Variants in MTFR1 observed in about 807,000 individuals in gnomAD.
The protein encoded by MTFR1 is chondrocyte protein with a poly-proline region.
MTFR1 carries 28 observed loss-of-function variants against 38.8 expected under a neutral mutation model. The observed-to-expected ratio is 0.72, with a 90% CI of 0.53 to 0.99. The LOEUF is 0.99. MTFR1 is among the 50% of genes least tolerant of loss of function. MTFR1 has a pLI of 0.00. For synonymous variants in MTFR1, 145 were observed against 137.0 expected (o/e 1.06, Z -0.41); for missense variants, 358 against 395.5 (o/e 0.91, Z 0.81).
intron 3 of MTFR1, among the ~76,000 whole-genome samples, chr8:65,762,991 ATGTGTGTGTGTGTGTGTGTGTGTG>A (rs34371328): frequency 6.5e-5 from 9 of 138,514 alleles, no homozygotes; most frequent in Non-Finnish European, 9.4e-5. Context: ...TATAAAAACA[ATGTGTGTGTGTGTGTGTGTGTGTG>A]TGTGTGTGTG....
chr8:65,647,253 CAG>C (rs1025339264), intron 1 of MTFR1, among the ~76,000 whole-genome samples: 3 of 152,128 alleles, frequency 2.0e-5, no homozygotes, highest in Non-Finnish European at 4.4e-5. Context: ...AAGGACCAGA[CAG>C]AGAATACAGC....
downstream of MTFR1, among the ~76,000 whole-genome samples, chr8:65,713,858 A>AT (rs201732109): frequency 9.5e-3 from 1,423 of 150,186 alleles, 52 homozygotes; most frequent in East Asian, 0.078. Context: ...TAATTTTTGT[A>AT]TTTTTTTTTA....
chr8:65,680,182 G>A (rs1473236631), intron 2 of MTFR1, among the ~76,000 whole-genome samples: 2 of 151,520 alleles, frequency 1.3e-5, no homozygotes. Flanking sequence ...GGGGGGCGGG[G>A]GGACATGGTC....
intron 3 of MTFR1, chr8:65,739,635 A>G (rs1188217443): frequency 7.0e-7 from 1 of 1,437,926 alleles, no homozygotes; most frequent in Non-Finnish European, 9.2e-7. Context: ...AGTAGGAAAT[A>G]CAAGTCAACA....
chr8:65,778,582 TG>T, the MTFR1 span, among the ~76,000 whole-genome samples: 1 of 152,168 alleles, frequency 6.6e-6, no homozygotes. Flanking sequence ...TTAAAAATAG[TG>T]GTTATTTTAT....
chr8:65,692,090 A>AT (rs1172710906), intron 3 of MTFR1, among the ~76,000 whole-genome samples: 2 of 152,214 alleles, frequency 1.3e-5, no homozygotes, highest in Non-Finnish European at 2.9e-5. Context: ...AACCTTTTTG[A>AT]TAAACATATT....
chr8:65,654,541 GTATAATT>G (rs1809204591), intron 1 of MTFR1, among the ~76,000 whole-genome samples: 1 of 151,986 alleles, frequency 6.6e-6, no homozygotes, highest in Non-Finnish European at 1.5e-5. Flanking sequence ...TTGGAGAAAG[GTATAATT>G]TACTGAGTTC....
intron 6 of MTFR1, 42 bp from the exon 7 acceptor site, chr8:65,707,801 G>C: frequency 4.4e-6 from 7 of 1,594,736 alleles, no homozygotes; most frequent in Non-Finnish European, 6.0e-6. Flanking sequence ...AGGGTGGCCA[G>C]TGTATTGATC....
intron 1 of MTFR1, among the ~76,000 whole-genome samples, chr8:65,666,463 C>G (rs954364499): frequency 1.5e-4 from 23 of 152,154 alleles, no homozygotes; most frequent in Non-Finnish European, 2.9e-4. Context: ...AAACTACTCC[C>G]TTTTTGTTTA....
At chr8:65,652,647 G>T (rs1054701557) in intron 1 of MTFR1, among the ~76,000 whole-genome samples, 2 of 152,122 alleles carry the variant, frequency 1.3e-5, no homozygotes, top group Non-Finnish European at 2.9e-5. Flanking sequence ...TTAATTTATT[G>T]ATTTGTTTTT....
chr8:65,751,556 G>A (rs889421856), intron 3 of MTFR1, among the ~76,000 whole-genome samples: 3 of 151,838 alleles, frequency 2.0e-5, no homozygotes, highest in Admixed American at 6.6e-5. Context: ...GCAATGGTGC[G>A]ATATCGGCTC....
chr8:65,747,334 A>G (rs1047538643), intron 3 of MTFR1, among the ~76,000 whole-genome samples: 13 of 152,238 alleles, frequency 8.5e-5, no homozygotes, highest in East Asian at 5.8e-4. Flanking sequence ...TGATTAGATC[A>G]GGTAATCTCT....
chr8:65,682,834 T>C (rs1335366555), intron 3 of MTFR1: 1 of 985,158 alleles, frequency 1.0e-6, no homozygotes. Flanking sequence ...TCCCCTGCTT[T>C]ATTTTTAGAT....
intron 2 of MTFR1, among the ~76,000 whole-genome samples, chr8:65,680,762 C>G (rs1289903015): frequency 6.6e-6 from 1 of 151,942 alleles, no homozygotes; most frequent in Non-Finnish European, 1.5e-5. Context: ...TCTTTTTAGT[C>G]TTTAGAATAT....
chr8:65,716,440 A>T (rs1207393624), intron 2 of MTFR1, among the ~76,000 whole-genome samples: 1 of 152,190 alleles, frequency 6.6e-6, no homozygotes, highest in Admixed American at 6.5e-5. Context: ...AAGCTGATGT[A>T]GAGAAGCAAC....
Position 65,658,724 on chromosome 8 carries a change from AAC to A in MTFR1, c.-80-11145_-80-11144del, listed in dbSNP as rs764979783. Among the ~76,000 whole-genome samples the A allele has an allele frequency of 9.8e-5, 15 of 152,342 alleles. No individual in the cohort carries two copies. In the East Asian group the frequency reaches 2.3e-3, roughly 23 times the overall value. On this transcript the variant is annotated intron_variant, in intron 1 of 7. Coordinates refer to ENST00000262146, the MANE Select transcript of MTFR1 (RefSeq NM_014637.4). ...AAAAACCTTATTTATTTTGAAGTGTAACACAGAAGAAAGTACAGACATAAATA... is the reference window on the plus strand; with the variant it reads ...AAAAACCTTATTTATTTTGAAGTGTAACAGAAGAAAGTACAGACATAAATA...
intron 2 of MTFR1, among the ~76,000 whole-genome samples, chr8:65,673,521 G>C (rs1457730272): frequency 6.6e-6 from 1 of 151,716 alleles, no homozygotes; most frequent in Non-Finnish European, 1.5e-5. Flanking sequence ...GGGTTGATGG[G>C]TGCAGCAAAC....
At chr8:65,759,844 C>T (rs113358833) in intron 3 of MTFR1, among the ~76,000 whole-genome samples, 3 of 152,138 alleles carry the variant, frequency 2.0e-5, no homozygotes, top group Non-Finnish European at 4.4e-5. Flanking sequence ...GTTAACACCC[C>T]ACCCTGGTAC....
intron 3 of MTFR1, chr8:65,723,360 C>A: frequency 2.1e-6 from 1 of 479,466 alleles, no homozygotes. Context: ...CTTTTTACAT[C>A]CTAAAATTAA....
Sources: allele counts gnomAD v4.1 joint callset (sites outside exome capture counted in the v4.1 genomes callset), GRCh38; gene constraint gnomAD v4.1.1; transcripts MANE v1.5; gene names NCBI Gene and HGNC (gene_info 2026-07-23, HGNC 2026-07-21).